IQCM: variants seen among roughly 807,000 people sequenced by gnomAD.
The protein encoded by IQCM is IQ domain-containing protein M.
Under a neutral mutation model 57.6 loss-of-function variants are expected in IQCM, and 45 were observed. The ratio of observed to expected loss-of-function variants is 0.78; its 90% CI spans 0.62 to 1.00. The LOEUF is 1.00. Among genes scored for constraint, IQCM ranks in the 50% least tolerant of loss-of-function variants. The probability of loss-of-function intolerance (pLI) is 0.00; values close to 1 mark genes in which losing one functional copy is unlikely to be tolerated. For synonymous variants in IQCM, 148 were observed against 158.9 expected, an observed-to-expected ratio of 0.93 and a Z score of 0.51; for missense variants, 468 against 511.6, an observed-to-expected ratio of 0.91 and a Z score of 0.82.
intron 13 of IQCM, among the ~76,000 whole-genome samples, chr4:149,390,175 T>A (rs946667300): frequency 1.3e-5 from 2 of 152,064 alleles, no homozygotes; most frequent in African/African-American, 4.8e-5. Context: ...ATTGTACTTA[T>A]ATTGTTAGAA....
At chr4:149,501,034 C>G (rs888713020) in intron 12 of IQCM, among the ~76,000 whole-genome samples, 1 of 152,190 alleles carries the variant, frequency 6.6e-6, no homozygotes, top group Non-Finnish European at 1.5e-5. Context: ...AGACAAAAAT[C>G]TCTTTATATT....
chr4:149,712,163 G>A (rs897841723), intron 5 of IQCM, among the ~76,000 whole-genome samples: 115 of 151,206 alleles, frequency 7.6e-4, no homozygotes, highest in African/African-American at 2.6e-3. Flanking sequence ...CAGGATTCCA[G>A]GGTTCAGAGG....
chr4:149,564,696 C>T, intron 9 of IQCM, among the ~76,000 whole-genome samples: 1 of 152,124 alleles, frequency 6.6e-6, no homozygotes, highest in South Asian at 2.1e-4. Flanking sequence ...CCTCCTCAAA[C>T]ATCAGACTCC....
intron 12 of IQCM, among the ~76,000 whole-genome samples, chr4:149,448,154 A>G (rs564642045): frequency 6.6e-6 from 1 of 151,810 alleles, no homozygotes; most frequent in South Asian, 2.1e-4. Flanking sequence ...ATTTCAAAAG[A>G]TTCAAGTTAT....
intron 7 of IQCM, among the ~76,000 whole-genome samples, chr4:149,638,021 G>C (rs1410419009): frequency 6.6e-6 from 1 of 152,146 alleles, no homozygotes; most frequent in Non-Finnish European, 1.5e-5. Flanking sequence ...CAGACTGTGA[G>C]TAAATATTCA....
chr4:149,776,497 C>T (rs1358575561), intron 2 of IQCM, among the ~76,000 whole-genome samples: 1 of 152,148 alleles, frequency 6.6e-6, no homozygotes, highest in African/African-American at 2.4e-5. Context: ...ACAAGATACA[C>T]AGCTAAATTC....
intron 13 of IQCM, among the ~76,000 whole-genome samples, chr4:149,381,026 C>G (rs1450255490): frequency 6.6e-6 from 1 of 152,124 alleles, no homozygotes; most frequent in East Asian, 1.9e-4. Flanking sequence ...TCCTGAATTT[C>G]CCCCAAAGGT....
At chr4:149,668,976 GTTA>G (rs961356227) in intron 7 of IQCM, among the ~76,000 whole-genome samples, 9 of 152,274 alleles carry the variant, frequency 5.9e-5, no homozygotes, top group African/African-American at 1.7e-4. Context: ...CACTACAGAT[GTTA>G]TTATTAACAA....
At chr4:149,527,080 C>A (rs537775654) in intron 12 of IQCM, among the ~76,000 whole-genome samples, 1 of 152,116 alleles carries the variant, frequency 6.6e-6, no homozygotes, top group Non-Finnish European at 1.5e-5. Flanking sequence ...CGAGAACTAA[C>A]GGGAATCAGC....
chr4:149,447,632 T>G (rs1736654766), intron 12 of IQCM, among the ~76,000 whole-genome samples: 1 of 151,474 alleles, frequency 6.6e-6, no homozygotes. Flanking sequence ...AAACAGAGTA[T>G]CAGTGAGCTG....
chr4:149,676,809 C>A lies in IQCM; in HGVS notation c.565+5309G>T, dbSNP rs1483126429. Among the ~76,000 whole-genome samples the A allele has an allele frequency of 2.0e-5, 3 of 151,910 alleles. No homozygotes were observed. In the South Asian group the frequency reaches 6.2e-4, roughly 31 times the overall value. On this transcript the variant is annotated intron_variant, in intron 7 of 13. Transcript: ENST00000636793. ...TCTTTTTCCTTTAATAAGAATAATT[C>A]TTTATTCTAAAGAAGAATTGAGGAC...
chr4:149,481,697 T>TTTGTTTTTTTTTTTGTTTG (rs1740808856), intron 12 of IQCM, among the ~76,000 whole-genome samples: 1 of 90,996 alleles, frequency 1.1e-5, no homozygotes, highest in African/African-American at 3.9e-5. Context: ...ATTCTTCCAG[T>TTTGTTTTTTTTTTTGTTTG]TTTGTTTTTT....
intron 5 of IQCM, among the ~76,000 whole-genome samples, chr4:149,719,789 C>T (rs1765295946): frequency 6.6e-6 from 1 of 152,156 alleles, no homozygotes; most frequent in Non-Finnish European, 1.5e-5. Flanking sequence ...ATTGGCTATG[C>T]CTGAATCACA....
intron 2 of IQCM, among the ~76,000 whole-genome samples, chr4:149,811,220 A>G (rs996401946): frequency 2.0e-5 from 3 of 152,170 alleles, no homozygotes; most frequent in African/African-American, 7.2e-5. Context: ...CCAAAAGCAC[A>G]TGAAAAAAAT....
chr4:149,728,847 T>A (rs746530741), intron 5 of IQCM, among the ~76,000 whole-genome samples: 1 of 152,160 alleles, frequency 6.6e-6, no homozygotes, highest in Non-Finnish European at 1.5e-5. Context: ...CAACCCAAAG[T>A]TCCCCCTAGG....
intron 12 of IQCM, among the ~76,000 whole-genome samples, chr4:149,472,387 T>C (rs1320751955): frequency 6.6e-6 from 1 of 152,042 alleles, no homozygotes; most frequent in African/African-American, 2.4e-5. Context: ...ACAAAGGGAA[T>C]AAAATATCTA....
chr4:149,375,367 C>G (rs912244157), intron 13 of IQCM, among the ~76,000 whole-genome samples: 9 of 152,082 alleles, frequency 5.9e-5, no homozygotes, highest in Non-Finnish European at 1.2e-4. Context: ...AGGGAGGAAG[C>G]AGAGAGATCA....
At chr4:149,799,044 T>A (rs1239595368) in intron 2 of IQCM, among the ~76,000 whole-genome samples, 3 of 151,550 alleles carry the variant, frequency 2.0e-5, no homozygotes, top group Non-Finnish European at 4.4e-5. Context: ...CTTTATTTTT[T>A]TTTTTTCACT....
In IQCM at chr4:149,486,397, G is replaced by A. The variant is rs533392374; in HGVS notation, c.1229-52840C>T. Among the ~76,000 whole-genome samples the A allele has an allele frequency of 4.3e-3, 651 of 152,032 alleles. 9 individuals carry two copies. The highest frequency in any genetic ancestry group is 0.011 in the South Asian group (53 of 4,810). On this transcript the variant is annotated intron_variant, in intron 12 of 13. Transcript: ENST00000636793. ...CTTCCCTCCAGTTTCCACAGGCAGAGGATCCTCTCCCTGTTGCCACCACCA... is the reference window on the plus strand; with the variant it reads ...CTTCCCTCCAGTTTCCACAGGCAGAAGATCCTCTCCCTGTTGCCACCACCA...
Sources: gnomAD v4.1 joint callset for allele counts (sites outside exome capture counted in the v4.1 genomes callset) on GRCh38, gnomAD v4.1.1 for gene constraint, MANE v1.5 for transcripts, NCBI Gene and HGNC (gene_info 2026-07-23, HGNC 2026-07-21) for gene names.